Variants in RUBCN observed in about 807,000 individuals in gnomAD.
RUBCN encodes rubicon autophagy regulator.
Under a neutral mutation model 113.2 loss-of-function variants are expected in RUBCN, and 74 were observed. The ratio of observed to expected loss-of-function variants is 0.65; its 90% CI spans 0.54 to 0.79. The LOEUF (loss-of-function observed/expected upper bound fraction) is 0.79, where lower values mean the gene tolerates loss of function less well. Ranked by LOEUF, RUBCN falls within the 30% of genes least tolerant of loss-of-function variation. The probability of loss-of-function intolerance (pLI) is 0.00; values close to 1 mark genes in which losing one functional copy is unlikely to be tolerated. For missense variants in RUBCN, 1,109 were observed against 1,251.7 expected (o/e 0.89, Z 1.72); for synonymous variants, 480 against 490.0 (o/e 0.98, Z 0.27).
At chr3:197,696,035 G>A in intron 8 of RUBCN, 54 bp from the exon 9 acceptor site, 1 of 1,551,308 alleles carries the variant, frequency 6.4e-7, no homozygotes, top group South Asian at 1.1e-5. Context: ...GAAGTCTTAA[G>A]CTTTTGTCAT....
upstream of RUBCN, chr3:197,737,280 C>T (rs1350361393): frequency 6.6e-6 from 1 of 151,660 alleles, no homozygotes; most frequent in East Asian, 1.9e-4. Flanking sequence ...TACGATTAAC[C>T]CCACTCAGCC....
At chr3:197,748,846 A>G (rs745506148) in intron 1 of RUBCN, among the ~76,000 whole-genome samples, 2 of 152,250 alleles carry the variant, frequency 1.3e-5, no homozygotes, top group Non-Finnish European at 2.9e-5. Context: ...TGGAAGCCAC[A>G]TGACATTGTG....
At chr3:197,717,439 G>A (rs1369700340) in intron 2 of RUBCN, among the ~76,000 whole-genome samples, 5 of 143,838 alleles carry the variant, frequency 3.5e-5, no homozygotes, top group South Asian at 2.2e-4. Context: ...GCGAGACTCC[G>A]TCTCAAAAAA....
chr3:197,729,436 G>A (rs1210259788), intron 1 of RUBCN, among the ~76,000 whole-genome samples: 4 of 151,948 alleles, frequency 2.6e-5, no homozygotes, highest in African/African-American at 9.7e-5. Context: ...TGTATTTTTA[G>A]TAGAGACGGG....
chr3:197,673,807 A>G lies in RUBCN; in HGVS notation c.*1211T>C, dbSNP rs1324548054. ...AAACATTACCAGGCTACACAGAGTT[A>G]AGTGCATAATTGGCATAAAGGCTCT... On this transcript the variant is annotated 3_prime_UTR_variant, in exon 20 of 20. Transcript: ENST00000296343. The G allele has an allele frequency of 6.6e-6, 1 of 152,436 alleles. No homozygotes were observed. The highest frequency in any genetic ancestry group is 1.5e-5 in the Non-Finnish European group (1 of 68,182). 9.4% of individuals were successfully genotyped at this position (152,436 alleles called of 1,614,324 possible).
rs28562770 is a variant in RUBCN at position 197,675,081 on chromosome 3, T to C, written c.2856A>G (p.Ser952=). The change falls in exon 20 of 20, where the codon TCA becomes TCG. Residue 952 remains serine (S), a synonymous_variant. Transcript: ENST00000296343. The surrounding 1 kb of genome is among the most constrained non-coding windows in gnomAD (Gnocchi z 4.4). ...CTTCCGCGGGCTCCTCCTCGTAGTC[T>C]GACAGGTAAGACTCCAGGCTCTGCC... ...LARQSLESYL[S]DYEEEPAEAL... 0.12 allele frequency: 198,928 copies of C among 1,613,250 alleles called. 21,120 individuals are homozygous for C. The highest frequency in any genetic ancestry group is 0.58 in the African/African-American group (43,468 of 74,940).
Position 197,704,338 on chromosome 3 carries a change from C to T in RUBCN, c.463+204G>A, listed in dbSNP as rs531628374. On this transcript the variant is annotated intron_variant, in intron 4 of 19. Transcript: ENST00000296343. ...AATCCCAGCTACTCAGGAGGCTGAG[C>T]CGGGAGAATTGCTTGAACCCAGGAG... 3.3e-5 allele frequency among the ~76,000 whole-genome samples: 5 copies of T among 152,116 alleles called. 1 individual carries two copies. Among genetic ancestry groups the T allele is most frequent in the Admixed American group, 3.3e-4 (5 of 15,274 alleles).
chr3:197,732,605 G>T (rs1037564553), intron 1 of RUBCN, among the ~76,000 whole-genome samples: 9 of 152,188 alleles, frequency 5.9e-5, no homozygotes, highest in Admixed American at 2.6e-4. Flanking sequence ...GAGCCACCGT[G>T]CCCAGTGTAG....
In RUBCN at chr3:197,675,254, G is replaced by A. The variant is rs1374738521; in HGVS notation, c.2741-58C>T. 2 of 1,598,652 alleles carry A rather than the reference G, an allele frequency of 1.3e-6. No homozygotes were observed. Among genetic ancestry groups the A allele is most frequent in the South Asian group, 1.1e-5 (1 of 90,622 alleles). ...AAACAATTTGTATTATCTCCAGCTA[G>A]AGGTCAGTTGCTGCCACAGCCCCTT... is the stretch of plus-strand genomic sequence containing the variant. On this transcript the variant is annotated intron_variant, in intron 19 of 19. Transcript: ENST00000296343. The surrounding 1 kb of genome is among the most constrained non-coding windows in gnomAD (Gnocchi z 4.4).
intron 1 of RUBCN, among the ~76,000 whole-genome samples, chr3:197,730,500 G>A (rs959331055): frequency 1.3e-5 from 2 of 151,884 alleles, no homozygotes; most frequent in African/African-American, 4.8e-5. Flanking sequence ...GCAGAGCCCA[G>A]AGACAGAGAC....
intron 11 of RUBCN, chr3:197,691,286 T>C: frequency 6.8e-6 from 3 of 439,486 alleles, no homozygotes; most frequent in Non-Finnish European, 1.3e-5. Context: ...CTTGCATCCT[T>C]GGGTAGGTGC....
At chr3:197,694,628 T>G (rs369260536) in intron 9 of RUBCN, 43 bp from the exon 10 acceptor site, 70 of 1,502,644 alleles carry the variant, frequency 4.7e-5, no homozygotes, top group Non-Finnish European at 5.7e-5. Context: ...GTTAGAAGTA[T>G]TGAATGACAT....
intron 1 of RUBCN, 48 bp from the exon 2 acceptor site, chr3:197,718,178 T>C (rs1725761151): frequency 1.2e-6 from 2 of 1,606,536 alleles, no homozygotes; most frequent in Non-Finnish European, 1.7e-6. Flanking sequence ...TTGCTGTACT[T>C]GATCCTGATC....
chr3:197,731,044 G>A (rs939224245), intron 1 of RUBCN, among the ~76,000 whole-genome samples: 1 of 151,788 alleles, frequency 6.6e-6, no homozygotes, highest in African/African-American at 2.4e-5. Flanking sequence ...TCTCGCAGAG[G>A]GGGATTTGGC....
chr3:197,746,682 C>T (rs112986939), intron 1 of RUBCN, among the ~76,000 whole-genome samples: 2,371 of 152,280 alleles, frequency 0.016, 46 homozygotes, highest in Non-Finnish European at 0.025. Flanking sequence ...TCAAATTTAG[C>T]TGGCCCTGCA....
chr3:197,749,790 G>A, upstream of RUBCN: 3 of 500,812 alleles, frequency 6.0e-6, no homozygotes, highest in East Asian at 8.1e-5. Context: ...ACGGCGCGGG[G>A]CCGCTCTGGT....
chr3:197,730,643 G>A (rs561889976), intron 1 of RUBCN, among the ~76,000 whole-genome samples: 16 of 150,530 alleles, frequency 1.1e-4, no homozygotes, highest in Admixed American at 2.0e-4. Context: ...GCCAAGGCCC[G>A]GAGCTCTGGG....
At chr3:197,725,520 C>CTTTTTTTTTTTT (rs10718685) in intron 1 of RUBCN, among the ~76,000 whole-genome samples, 7 of 75,334 alleles carry the variant, frequency 9.3e-5, no homozygotes, top group South Asian at 6.4e-4. Context: ...ACAGGAGAAT[C>CTTTTTTTTTTTT]TTTTTTTTTT....
chr3:197,730,606 G>C (rs1727305728), intron 1 of RUBCN, among the ~76,000 whole-genome samples: 1 of 149,784 alleles, frequency 6.7e-6, no homozygotes, highest in South Asian at 2.1e-4. Flanking sequence ...AGTGGGACCA[G>C]GGGGCCATCA....
Sources: allele counts gnomAD v4.1 joint callset (sites outside exome capture counted in the v4.1 genomes callset), GRCh38; gene constraint gnomAD v4.1.1; non-coding constraint Gnocchi (gnomAD v3.1); transcripts MANE v1.5; gene names NCBI Gene and HGNC (gene_info 2026-07-23, HGNC 2026-07-21).